The following ADGRG7 variants were observed in gnomAD, a reference collection of about 807,000 sequenced individuals.
ADGRG7 encodes adhesion G protein-coupled receptor G7, also known as G-protein coupled receptor 128.
ADGRG7 carries 82 observed loss-of-function variants against 88.6 expected under a neutral mutation model. The ratio of observed to expected loss-of-function variants is 0.93; its 90% CI spans 0.77 to 1.11. The LOEUF (loss-of-function observed/expected upper bound fraction) is 1.11. Among genes scored for constraint, ADGRG7 ranks in the 50% most tolerant of loss-of-function variants. The probability of loss-of-function intolerance (pLI) is 0.00; values close to 1 mark genes in which losing one functional copy is unlikely to be tolerated. For missense variants in ADGRG7, 945 were observed against 953.4 expected (o/e 0.99, Z 0.12); for synonymous variants, 381 against 345.2 (o/e 1.10, Z -1.15).
chr3:100,655,886 CT>C lies in ADGRG7; in HGVS notation c.1727-10del. 7.0e-7 allele frequency: 1 copy of C among 1,429,516 alleles called. No individual in the cohort carries two copies. Among genetic ancestry groups the C allele is most frequent in the African/African-American group, 1.4e-5 (1 of 72,126 alleles). The allele number at this position is 1,429,516 out of a possible 1,614,324, so 88.6% of individuals were successfully genotyped here. A position where few individuals can be genotyped will look rare whatever the true frequency, so the allele number is the denominator to read the frequency against. ...GATAAATCATTAATTATGTGCCTCT[CT>C]TTATCACATAGGAGTCCCAGCTATA... On this transcript the variant is annotated splice_polypyrimidine_tract_variant and intron_variant, in intron 12 of 15. Coordinates refer to ENST00000273352, the MANE Select transcript of ADGRG7 (RefSeq NM_032787.3).
At chr3:100,684,666 T>C (rs1486511300) in intron 15 of ADGRG7, among the ~76,000 whole-genome samples, 3 of 152,192 alleles carry the variant, frequency 2.0e-5, no homozygotes, top group African/African-American at 7.2e-5. Context: ...CTTAGTTTTT[T>C]TTCCCTATAC....
intron 15 of ADGRG7, among the ~76,000 whole-genome samples, chr3:100,684,843 A>G (rs1038634900): frequency 6.6e-5 from 10 of 152,064 alleles, no homozygotes; most frequent in Non-Finnish European, 1.3e-4. Flanking sequence ...TTCCAGAGTA[A>G]AACAATAGAT....
chr3:100,611,244 TTTCC>T (rs753816226), intron 1 of ADGRG7, among the ~76,000 whole-genome samples: 4,200 of 64,518 alleles, frequency 0.065, 249 homozygotes, highest in African/African-American at 0.13. Context: ...TTTGTTTGTT[TTTCC>T]TTCCTTCCTT....
intron 12 of ADGRG7, 140 bp downstream of exon 12, chr3:100,655,321 G>T: frequency 1.6e-6 from 1 of 618,064 alleles, no homozygotes; most frequent in Admixed American, 3.2e-5. Context: ...CTAAGAATAC[G>T]TTCCGTCTAG....
chr3:100,677,521 A>G (rs2094967090), intron 15 of ADGRG7, among the ~76,000 whole-genome samples: 1 of 152,104 alleles, frequency 6.6e-6, no homozygotes, highest in Non-Finnish European at 1.5e-5. Context: ...TACTAATACC[A>G]GTGAGTTTCG....
At chr3:100,678,372 C>A (rs767521242) in intron 15 of ADGRG7, among the ~76,000 whole-genome samples, 3 of 152,082 alleles carry the variant, frequency 2.0e-5, no homozygotes. Context: ...CTCAAAATAG[C>A]TATTTTGAAT....
intron 10 of ADGRG7, among the ~76,000 whole-genome samples, chr3:100,647,169 AAAAC>A (rs1439713423): frequency 6.6e-6 from 1 of 152,182 alleles, no homozygotes; most frequent in Non-Finnish European, 1.5e-5. Flanking sequence ...AAACAAAAAC[AAAAC>A]AAACAAAAAA....
chr3:100,683,018 G>A (rs775356622), intron 15 of ADGRG7, among the ~76,000 whole-genome samples: 8 of 152,182 alleles, frequency 5.3e-5, no homozygotes, highest in Non-Finnish European at 8.8e-5. Flanking sequence ...GGCCTGATGA[G>A]CAGCTCTAGT....
At chr3:100,678,103 A>C (rs1199124031) in intron 15 of ADGRG7, among the ~76,000 whole-genome samples, 2 of 151,278 alleles carry the variant, frequency 1.3e-5, no homozygotes, top group Non-Finnish European at 2.9e-5. Flanking sequence ...GGCATGCATC[A>C]TTAATTTTTA....
chr3:100,619,835 A>C (rs967620491), intron 1 of ADGRG7, among the ~76,000 whole-genome samples: 2 of 152,232 alleles, frequency 1.3e-5, no homozygotes, highest in African/African-American at 4.8e-5. Context: ...CTCGACACGT[A>C]CACTCTCCCA....
rs146543837 is a variant in ADGRG7, at chr3:100,628,793, C to T, written c.116-805C>T. Among the ~76,000 whole-genome samples, 1,063 of 152,308 alleles carry T rather than the reference C, an allele frequency of 7.0e-3. 9 individuals are homozygous for T. Among genetic ancestry groups the T allele is most frequent in the African/African-American group, 0.013 (540 of 41,556 alleles). ...CAGGTATGCTTCCTGAACCTAGTGA[C>T]ACCTAACTTTCTTAGAGTCACTGCT... is the stretch of plus-strand genomic sequence containing the variant. On this transcript the variant is annotated intron_variant, in intron 1 of 15. Transcript: ENST00000273352.
At chr3:100,613,436 G>A (rs1576309483) in intron 1 of ADGRG7, among the ~76,000 whole-genome samples, 1 of 152,088 alleles carries the variant, frequency 6.6e-6, no homozygotes, top group Non-Finnish European at 1.5e-5. Context: ...TTGGTTTTAG[G>A]CAGCTATAGT....
rs2094936989 is a variant in ADGRG7, at chr3:100,655,973, T to C, written c.1801T>C (p.Leu601=). The part of the protein sequence containing the change: ...SQNGNNPQWE[L]DYRQEKICWL... The stretch of plus-strand genomic sequence containing the variant: ...GAATGGAAATAATCCACAGTGGGAA[T>C]TAGACTACCGGCAAGAGAAAATGTG... Residue 601 remains leucine (L), a synonymous_variant, in exon 13 of 16, where the codon TTA becomes CTA. Transcript: ENST00000273352. 6.2e-7 allele frequency: 1 copy of C among 1,606,356 alleles called. No individual in the cohort carries two copies. Among genetic ancestry groups the C allele is most frequent in the African/African-American group, 1.3e-5 (1 of 74,790 alleles).
intron 1 of ADGRG7, among the ~76,000 whole-genome samples, chr3:100,618,290 C>T (rs993285562): frequency 5.3e-5 from 8 of 152,084 alleles, no homozygotes; most frequent in Non-Finnish European, 1.0e-4. Context: ...AAGTCCTTGC[C>T]CATGCCTATG....
chr3:100,690,253 G>A (rs776684696), intron 15 of ADGRG7, among the ~76,000 whole-genome samples: 1 of 151,986 alleles, frequency 6.6e-6, no homozygotes, highest in African/African-American at 2.4e-5. Context: ...CTCTGTATTG[G>A]TTATTCTAGT....
chr3:100,677,724 A>C (rs981581684), intron 15 of ADGRG7, among the ~76,000 whole-genome samples: 2 of 152,096 alleles, frequency 1.3e-5, no homozygotes, highest in African/African-American at 4.8e-5. Flanking sequence ...TTTTCCCTTC[A>C]TCACTTTAAA....
chr3:100,677,453 C>G (rs2094966988), intron 15 of ADGRG7, among the ~76,000 whole-genome samples: 1 of 152,062 alleles, frequency 6.6e-6, no homozygotes, highest in African/African-American at 2.4e-5. Context: ...TTTCATCTTT[C>G]TGCTCAAGAT....
rs2094993032 is a variant in ADGRG7, at chr3:100,691,166, G to A, written c.2137-3578G>A. On this transcript the variant is annotated intron_variant, in intron 15 of 15. Coordinates refer to ENST00000273352, the MANE Select transcript of ADGRG7 (RefSeq NM_032787.3). ...ATGGGCGTAGGACCCTCCGACCCAG[G>A]TGCGAGATATAATCTCCTGGTGTGC... 2.0e-5 allele frequency among the ~76,000 whole-genome samples: 3 copies of A among 152,226 alleles called. No homozygotes were observed. The South Asian group carries it at 6.2e-4, about 31-fold the overall frequency.
chr3:100,610,225 C>T (rs1185168363), intron 1 of ADGRG7, among the ~76,000 whole-genome samples: 6 of 152,118 alleles, frequency 3.9e-5, no homozygotes. Context: ...CTTTTAACTC[C>T]AGACTGAATT....
Sources: allele counts gnomAD v4.1 joint callset (sites outside exome capture counted in the v4.1 genomes callset), GRCh38; gene constraint gnomAD v4.1.1; transcripts MANE v1.5; gene names NCBI Gene and HGNC (gene_info 2026-07-23, HGNC 2026-07-21).